Variants in NEURL1 observed in about 807,000 individuals in gnomAD.
NEURL1 encodes the protein neuralized E3 ubiquitin protein ligase 1, also known as E3 ubiquitin-protein ligase NEURL1.
Under a neutral mutation model 41.2 loss-of-function variants are expected in NEURL1, and 26 were observed. That is an observed-to-expected ratio of 0.63 (90% CI 0.46 to 0.87). NEURL1 has a LOEUF of 0.87. NEURL1 is among the 40% of genes least tolerant of loss of function. The probability of loss-of-function intolerance (pLI) is 0.00; values close to 1 mark genes in which losing one functional copy is unlikely to be tolerated. For missense variants in NEURL1, 761 were observed against 871.1 expected (o/e 0.87, Z 1.59); for synonymous variants, 400 against 402.3 (o/e 0.99, Z 0.07).
Position 103,545,973 on chromosome 10 carries a change from A to C in NEURL1, c.86-24899A>C, listed in dbSNP as rs955025521. 1.3e-5 allele frequency among the ~76,000 whole-genome samples: 2 copies of C among 152,186 alleles called. No homozygotes were observed. Among genetic ancestry groups the C allele is most frequent in the East Asian group, 3.9e-4 (2 of 5,190 alleles). ...GGTGACTGTGGGCACACTACAGCCA[A>C]AGTCCAGGGCAGTCCACATTGGGAT... On this transcript the variant is annotated intron_variant, in intron 1 of 5. Coordinates refer to ENST00000369780, the MANE Select transcript of NEURL1 (RefSeq NM_004210.5). The surrounding 1 kb of genome is among the most constrained non-coding windows in gnomAD (Gnocchi z 4.5).
At chr10:103,575,089 C>T (rs2035632004) in intron 3 of NEURL1, among the ~76,000 whole-genome samples, 1 of 151,904 alleles carries the variant, frequency 6.6e-6, no homozygotes, top group African/African-American at 2.4e-5. Context: ...CACTGCCTGT[C>T]CTCTGAGATA....
intron 1 of NEURL1, among the ~76,000 whole-genome samples, chr10:103,520,771 A>T (rs747210154): frequency 7.2e-5 from 11 of 152,132 alleles, no homozygotes; most frequent in African/African-American, 1.2e-4. Context: ...CAGCGGGATT[A>T]GGGTTGGCGT....
intron 3 of NEURL1, among the ~76,000 whole-genome samples, chr10:103,573,751 G>A (rs1233542556): frequency 6.6e-6 from 1 of 152,186 alleles, no homozygotes. Flanking sequence ...GTTGAGGGGT[G>A]GGCAGGTGAG....
At chr10:103,548,416 G>A (rs951963045) in intron 1 of NEURL1, among the ~76,000 whole-genome samples, 2 of 152,106 alleles carry the variant, frequency 1.3e-5, no homozygotes, top group African/African-American at 2.4e-5. Context: ...TCCACCTCCC[G>A]GGTTCAATTG....
intron 1 of NEURL1, among the ~76,000 whole-genome samples, chr10:103,539,419 CCT>C (rs748239650): frequency 6.6e-6 from 1 of 152,058 alleles, no homozygotes; most frequent in African/African-American, 2.4e-5. Flanking sequence ...TGAATTTCTC[CCT>C]GTCTGTGGCT....
chr10:103,590,510 C>T lies in NEURL1; in HGVS notation c.*138C>T. On this transcript the variant is annotated 3_prime_UTR_variant, in exon 6 of 6. Transcript: ENST00000369780. ...CTCTATTAAACATGGGAAACTGAAG[C>T]CCTTGAAGGTTTGGGGAGAGGGGGG... 1 of 681,642 alleles carries T rather than the reference C, an allele frequency of 1.5e-6. No homozygotes were observed. Among genetic ancestry groups the T allele is most frequent in the Non-Finnish European group, 2.5e-6 (1 of 400,764 alleles). 42.2% of individuals were successfully genotyped at this position (681,642 alleles called of 1,614,324 possible). A position where few individuals can be genotyped will look rare whatever the true frequency, so the allele number is the denominator to read the frequency against.
At chr10:103,571,202 G>A (rs995231605) in intron 2 of NEURL1, 89 bp downstream of exon 2, 28 of 1,300,956 alleles carry the variant, frequency 2.2e-5, no homozygotes, top group Non-Finnish European at 2.8e-5. Context: ...CCCCTCAGCC[G>A]CTGCCTGCTG....
intron 1 of NEURL1, among the ~76,000 whole-genome samples, chr10:103,531,040 T>G (rs1053293329): frequency 6.6e-6 from 1 of 151,964 alleles, no homozygotes; most frequent in Admixed American, 6.6e-5. Context: ...GTCAATATGG[T>G]GACACCCTGT....
At chr10:103,498,632 C>T (rs2033747460) in intron 1 of NEURL1, among the ~76,000 whole-genome samples, 1 of 152,138 alleles carries the variant, frequency 6.6e-6, no homozygotes, top group Non-Finnish European at 1.5e-5. Flanking sequence ...ACCGCCTCTA[C>T]CTAATTCCAG....
chr10:103,569,823 G>A (rs1462769840), intron 1 of NEURL1, among the ~76,000 whole-genome samples: 1 of 152,298 alleles, frequency 6.6e-6, no homozygotes, highest in East Asian at 1.9e-4. Flanking sequence ...AGAGAGACCC[G>A]GGGGCTCATG....
chr10:103,495,473 A>G (rs1306032030), intron 1 of NEURL1, among the ~76,000 whole-genome samples: 3 of 152,200 alleles, frequency 2.0e-5, no homozygotes, highest in Non-Finnish European at 2.9e-5. Context: ...GTGAGCATGG[A>G]CACTGCTTGG....
rs144640817 is a variant in NEURL1, at chr10:103,568,573, A to C, written c.86-2299A>C. Among the ~76,000 whole-genome samples the C allele has an allele frequency of 3.1e-3, 478 of 152,296 alleles. 3 individuals carry two copies. Among genetic ancestry groups the C allele is most frequent in the African/African-American group, 0.01 (429 of 41,548 alleles). On this transcript the variant is annotated intron_variant, in intron 1 of 5. Transcript: ENST00000369780. The stretch of plus-strand genomic sequence containing the variant: ...GTGGAGGTGTAATTGACATACACTA[A>C]ATTGCACATGTTTAAAGTGTCCAAT...
At position 103,590,497 on chromosome 10, in the gene NEURL1, T is replaced by C; in HGVS notation, c.*125T>C. On this transcript the variant is annotated 3_prime_UTR_variant, in exon 6 of 6. Coordinates refer to ENST00000369780, the MANE Select transcript of NEURL1 (RefSeq NM_004210.5). The stretch of plus-strand genomic sequence containing the variant: ...GAAACTTTTCCTCCTCTATTAAACA[T>C]GGGAAACTGAAGCCCTTGAAGGTTT... 2.8e-6 allele frequency: 2 copies of C among 716,128 alleles called. No individual in the cohort carries two copies. The highest frequency in any genetic ancestry group is 4.7e-6 in the Non-Finnish European group (2 of 426,706). The allele number at this position is 716,128 out of a possible 1,614,324, so 44.4% of individuals were successfully genotyped here. A position where few individuals can be genotyped will look rare whatever the true frequency, so the allele number is the denominator to read the frequency against.
chr10:103,515,787 G>A (rs1490802454), intron 1 of NEURL1, among the ~76,000 whole-genome samples: 1 of 152,180 alleles, frequency 6.6e-6, no homozygotes, highest in East Asian at 1.9e-4. Flanking sequence ...GAAAGATCGT[G>A]CTGGCTACCC....
At chr10:103,507,910 A>G (rs192197672) in intron 1 of NEURL1, among the ~76,000 whole-genome samples, 101 of 152,244 alleles carry the variant, frequency 6.6e-4, no homozygotes, top group African/African-American at 2.2e-3. Context: ...CCACACACAC[A>G]CAAGCCCCTG....
rs373747589 is a variant in NEURL1, at chr10:103,563,542, G to A, written c.86-7330G>A. ...CAGGACCACAGATTCAGAACAAGAT[G>A]ATCTTGGATGCAGTGGGCTTCAGCT... is the stretch of plus-strand genomic sequence containing the variant. On this transcript the variant is annotated intron_variant, in intron 1 of 5. Coordinates refer to ENST00000369780, the MANE Select transcript of NEURL1 (RefSeq NM_004210.5). 4.6e-5 allele frequency among the ~76,000 whole-genome samples: 7 copies of A among 152,192 alleles called. No homozygotes were observed. The East Asian group carries it at 1.3e-3, about 29-fold the overall frequency.
intron 2 of NEURL1, 57 bp downstream of exon 2, chr10:103,571,170 T>C (rs2035534953): frequency 6.4e-7 from 1 of 1,559,694 alleles, no homozygotes. Flanking sequence ...CCTCATGGCA[T>C]CCCCTGGGCC....
chr10:103,574,887 C>T (rs1024414486), intron 3 of NEURL1, among the ~76,000 whole-genome samples: 5 of 152,164 alleles, frequency 3.3e-5, no homozygotes, highest in African/African-American at 1.2e-4. Context: ...CGGATTCCGT[C>T]CCAGCCGTAA....
chr10:103,540,047 G>A (rs1484265883), intron 1 of NEURL1, among the ~76,000 whole-genome samples: 2 of 152,204 alleles, frequency 1.3e-5, no homozygotes, highest in Non-Finnish European at 2.9e-5. Context: ...CACTAGCTAT[G>A]TCTGTGTACC....
Sources: allele counts gnomAD v4.1 joint callset (sites outside exome capture counted in the v4.1 genomes callset), GRCh38; gene constraint gnomAD v4.1.1; non-coding constraint Gnocchi (gnomAD v3.1); transcripts MANE v1.5; gene names NCBI Gene and HGNC (gene_info 2026-07-23, HGNC 2026-07-21).